Variants in ASPM observed in about 807,000 individuals in gnomAD.
ASPM encodes the protein assembly factor for spindle microtubules.
A neutral mutation model predicts 366.4 loss-of-function variants in ASPM; 256 were observed. The observed-to-expected ratio is 0.70, with a 90% CI of 0.63 to 0.77. ASPM has a LOEUF of 0.77. Among genes scored for constraint, ASPM ranks in the 30% least tolerant of loss-of-function variants. The probability of loss-of-function intolerance (pLI) is 0.00; values close to 1 mark genes in which losing one functional copy is unlikely to be tolerated. For synonymous variants in ASPM, 1,414 were observed against 1,342.9 expected (o/e 1.05, Z -1.16); for missense variants, 4,146 against 4,090.4 (o/e 1.01, Z -0.37).
rs987179447 is a variant in ASPM, at chr1:197,105,043, T to C, written c.4208A>G (p.His1403Arg). 8 of 1,610,142 alleles carry C rather than the reference T, an allele frequency of 5.0e-6. No homozygotes were observed. The Admixed American group carries it at 1.2e-4, about 24-fold the overall frequency. The change falls in exon 18 of 28, where the codon CAT becomes CGT. Residue 1403 changes from histidine to arginine, a missense_variant. Physicochemically the swap from His to Arg is conservative, Grantham distance 29 (BLOSUM62 0). This residue lies in a region of ASPM where 3,624 missense variants were observed against 3,591.7 expected (regional missense o/e 1.01). Transcript: ENST00000367409. ...TTTTCTTCTTAAATAAGCACGCCAA[T>C]GCCTCTGAATTGTAACTGTAGCCCA... The part of the protein sequence containing the change: ...YLWATVTIQR[H>R]WRAYLRRKQD...
At chr1:197,144,969 A>G (rs1658721968) in intron 1 of ASPM, among the ~76,000 whole-genome samples, 2 of 152,238 alleles carry the variant, frequency 1.3e-5, no homozygotes, top group Non-Finnish European at 2.9e-5. Flanking sequence ...GTTCCACATT[A>G]TAACAAAAAA....
At chr1:197,115,973 A>G (rs1428090261) in intron 17 of ASPM, among the ~76,000 whole-genome samples, 1 of 152,214 alleles carries the variant, frequency 6.6e-6, no homozygotes, top group East Asian at 1.9e-4. Context: ...TGAAGCTAGA[A>G]ATTGATTTCC....
intron 10 of ASPM, among the ~76,000 whole-genome samples, chr1:197,127,191 C>A (rs1369457126): frequency 1.3e-5 from 2 of 152,058 alleles, no homozygotes; most frequent in African/African-American, 4.8e-5. Flanking sequence ...CTAGTCGAAA[C>A]AAAGAAATTA....
chr1:197,126,651 C>G (rs530887572), intron 10 of ASPM, among the ~76,000 whole-genome samples: 1 of 152,206 alleles, frequency 6.6e-6, no homozygotes, highest in Non-Finnish European at 1.5e-5. Context: ...GCAAAATGAT[C>G]TTAGCTCATA....
intron 17 of ASPM, 27 bp from the exon 18 acceptor site, chr1:197,105,212 G>A (rs756433168): frequency 1.2e-5 from 18 of 1,528,780 alleles, no homozygotes; most frequent in Non-Finnish European, 1.5e-5. Flanking sequence ...AGGACACAAA[G>A]TAAAATAGGC....
intron 17 of ASPM, among the ~76,000 whole-genome samples, chr1:197,108,669 A>G (rs1175161950): frequency 1.3e-5 from 2 of 152,062 alleles, no homozygotes; most frequent in African/African-American, 2.4e-5. Flanking sequence ...AGTCCTATAC[A>G]AATTTAAAAA....
chr1:197,108,490 C>G (rs913560711), intron 17 of ASPM, among the ~76,000 whole-genome samples: 1 of 151,898 alleles, frequency 6.6e-6, no homozygotes, highest in Non-Finnish European at 1.5e-5. Flanking sequence ...AGAGAAGATA[C>G]AAATTATCAA....
chr1:197,121,835 TAA>T (rs1657910843), intron 16 of ASPM, 78 bp downstream of exon 16: 3 of 1,485,406 alleles, frequency 2.0e-6, no homozygotes, highest in Middle Eastern at 2.4e-4. Context: ...CCATAAAATG[TAA>T]AATCATATCA....
Position 197,104,808 on chromosome 1 carries a change from T to C in ASPM, c.4443A>G (p.Leu1481=), listed in dbSNP as rs374040448. Residue 1481 remains leucine, a synonymous_variant, in exon 18 of 28, where the codon TTA becomes TTG. Transcript: ENST00000367409. ...IQSWYRMHKE[L]RKYIYIRSCV... Reference sequence around the variant, plus strand: ...AAGATCTAATATAAATATATTTCCGTAATTCTTTATGCATTCTATACCATG... The same window carrying C: ...AAGATCTAATATAAATATATTTCCGCAATTCTTTATGCATTCTATACCATG... The C allele has an allele frequency of 3.9e-5, 62 of 1,579,550 alleles. No homozygotes were observed. In the Admixed American group the frequency reaches 1.1e-3, roughly 28 times the overall value.
intron 5 of ASPM, 79 bp downstream of exon 5, chr1:197,135,017 A>G: frequency 1.9e-6 from 2 of 1,057,942 alleles, no homozygotes; most frequent in Non-Finnish European, 1.4e-6. Context: ...ACTATGTATA[A>G]TTAAAGAATG....
chr1:197,118,042 C>A (rs1378429142), intron 16 of ASPM, 59 bp from the exon 17 acceptor site: 3 of 1,468,278 alleles, frequency 2.0e-6, no homozygotes, highest in Admixed American at 3.4e-5. Context: ...TTAAATTATT[C>A]TTTGTAAGAT....
In ASPM at chr1:197,146,157, C is replaced by A; in HGVS notation, c.281G>T (p.Arg94Leu). ...AADLGFSVSQ[R>L]CFVLQPKEKI... Reference sequence around the variant, plus strand: ...GAGACCTACCTGCAACACGAAACAGCGCTGCGACACACTGAAGCCCAGGTC... The same window carrying A: ...GAGACCTACCTGCAACACGAAACAGAGCTGCGACACACTGAAGCCCAGGTC... The change falls in exon 1 of 28, where the codon CGC becomes CTC. Residue 94 changes from arginine (R) to leucine (L), a missense_variant. Physicochemically the swap from Arg to Leu is moderately radical, Grantham distance 102. Coordinates refer to ENST00000367409, the MANE Select transcript of ASPM (RefSeq NM_018136.5). 1 of 1,614,066 alleles carries A rather than the reference C, an allele frequency of 6.2e-7. No homozygotes were observed. Among genetic ancestry groups the A allele is most frequent in the Non-Finnish European group, 8.5e-7 (1 of 1,180,002 alleles).
At chr1:197,139,399 A>T in intron 4 of ASPM, 1 of 563,860 alleles carries the variant, frequency 1.8e-6, no homozygotes, top group Non-Finnish European at 3.2e-6. Flanking sequence ...TTGCCCGACC[A>T]CCCCGGCCAA....
intron 17 of ASPM, among the ~76,000 whole-genome samples, chr1:197,113,763 C>T (rs1040108855): frequency 2.6e-5 from 4 of 152,080 alleles, no homozygotes; most frequent in African/African-American, 9.7e-5. Context: ...GTATAACGCT[C>T]TTTTATAAAT....
chr1:197,139,424 G>A (rs1226204342), intron 4 of ASPM: 5 of 555,258 alleles, frequency 9.0e-6, no homozygotes, highest in East Asian at 3.0e-5. Flanking sequence ...GTGAAACCCC[G>A]TCTCCACTAA....
chr1:197,136,742 C>T (rs1658429464), intron 4 of ASPM, among the ~76,000 whole-genome samples: 1 of 152,062 alleles, frequency 6.6e-6, no homozygotes, highest in Non-Finnish European at 1.5e-5. Flanking sequence ...AAATCAGTAA[C>T]TCTGACTTAT....
chr1:197,086,207 T>C (rs993993370), intron 27 of ASPM, among the ~76,000 whole-genome samples: 3 of 150,328 alleles, frequency 2.0e-5, no homozygotes, highest in African/African-American at 4.9e-5. Flanking sequence ...GTACCTAGTA[T>C]AGAGAATTGC....
At position 197,146,488 on chromosome 1, in the gene ASPM, G is replaced by T; in HGVS notation, c.-51C>A. 6.3e-7 allele frequency: 1 copy of T among 1,586,818 alleles called. No individual in the cohort carries two copies. On this transcript the variant is annotated 5_prime_UTR_variant, in exon 1 of 28. Transcript: ENST00000367409. Reference sequence around the variant, plus strand: ...CTCCTTGCCCCGCTCCCACGAGGCGGCTCCGGAGCGGGGATCCGGGACTTA... The same window carrying T: ...CTCCTTGCCCCGCTCCCACGAGGCGTCTCCGGAGCGGGGATCCGGGACTTA...
At chr1:197,135,623 CTTTTTTTTTT>C (rs778898963) in intron 4 of ASPM, among the ~76,000 whole-genome samples, 3 of 69,820 alleles carry the variant, frequency 4.3e-5, no homozygotes, top group Admixed American at 1.5e-4. Context: ...AAATATCTGT[CTTTTTTTTTT>C]TTTTTTTTTT....
Sources: gnomAD v4.1 joint callset for allele counts (sites outside exome capture counted in the v4.1 genomes callset) on GRCh38, gnomAD v4.1.1 for gene constraint, gnomAD v4.1.1 regional missense constraint, MANE v1.5 for transcripts, NCBI Gene and HGNC (gene_info 2026-07-23, HGNC 2026-07-21) for gene names.